Variants in MDN1 observed in about 807,000 individuals in gnomAD.
The protein encoded by MDN1 is midasin.
In MDN1, 266 loss-of-function variants were observed where a neutral mutation model predicts 669.2. The observed-to-expected ratio is 0.40, with a 90% CI of 0.36 to 0.44. The LOEUF (loss-of-function observed/expected upper bound fraction) is 0.44. MDN1 is among the 20% of genes least tolerant of loss of function. The pLI is 1.00. For synonymous variants in MDN1, 2,385 were observed against 2,457.1 expected, an observed-to-expected ratio of 0.97 and a Z score of 0.87; for missense variants, 5,940 against 6,754.0, an observed-to-expected ratio of 0.88 and a Z score of 4.22.
In MDN1 at chr6:89,683,858, A is replaced by G; in HGVS notation, c.11876T>C (p.Ile3959Thr). The G allele has an allele frequency of 5.0e-6, 8 of 1,613,630 alleles. No individual in the cohort carries two copies. Among genetic ancestry groups the G allele is most frequent in the Non-Finnish European group, 6.8e-6 (8 of 1,179,706 alleles). ...GTGTGTCTTTTCTACAGATTGCTTA[A>G]TGGACCAGAAGCTGACATCATTCCA... Reference protein sequence around the residue: ...SKWNDVSFWSIKQSVEKTHRT... With the variant: ...SKWNDVSFWSTKQSVEKTHRT... Residue 3959 changes from isoleucine to threonine, a missense_variant, in exon 72 of 102, where the codon ATT becomes ACT. Physicochemically the swap from Ile to Thr is moderately conservative, Grantham distance 89. Transcript: ENST00000369393.
intron 8 of MDN1, among the ~76,000 whole-genome samples, chr6:89,786,502 G>A (rs1431896491): frequency 6.6e-6 from 1 of 152,114 alleles, no homozygotes; most frequent in Non-Finnish European, 1.5e-5. Flanking sequence ...AGCTACTCAA[G>A]AGGCTGAGGC....
chr6:89,716,429 T>C (rs895597023), intron 44 of MDN1, among the ~76,000 whole-genome samples: 2 of 152,252 alleles, frequency 1.3e-5, no homozygotes, highest in African/African-American at 4.8e-5. Context: ...TAGCCTTTGC[T>C]TTGGCTGAAA....
At chr6:89,783,283 G>A (rs1482806772) in intron 9 of MDN1, among the ~76,000 whole-genome samples, 1 of 152,096 alleles carries the variant, frequency 6.6e-6, no homozygotes, top group Non-Finnish European at 1.5e-5. Context: ...TTCCCGGGGG[G>A]GAGGTCTATA....
chr6:89,753,212 A>G (rs934122588), intron 22 of MDN1, among the ~76,000 whole-genome samples: 1 of 152,192 alleles, frequency 6.6e-6, no homozygotes, highest in Non-Finnish European at 1.5e-5. Context: ...ATTTTTTACA[A>G]TTTTACAATT....
chr6:89,716,708 A>T lies in MDN1; in HGVS notation c.6685T>A (p.Leu2229Met). ...TCTCCAGACTTCAGGGCCTGAACCA[A>T]CATGCTGTCAACCCATTCAAATGTG... is the stretch of plus-strand genomic sequence containing the variant. ...HGTFEWVDSM[L>M]VQALKSGDWL... is the part of the protein sequence containing the mutation. Residue 2229 changes from leucine (L) to methionine (M), a missense_variant, in exon 44 of 102, where the codon TTG (leucine) becomes ATG (methionine). Physicochemically the swap from Leu to Met is conservative, Grantham distance 15. Around this residue, in one of 5 missense-constraint regions of MDN1, gnomAD observed 2,292 missense variants for 2,638.3 expected, o/e 0.87. Coordinates refer to ENST00000369393, the MANE Select transcript of MDN1 (RefSeq NM_014611.3). 1 of 1,614,136 alleles carries T rather than the reference A, an allele frequency of 6.2e-7. No individual in the cohort carries two copies. Among genetic ancestry groups the T allele is most frequent in the Non-Finnish European group, 8.5e-7 (1 of 1,179,976 alleles).
intron 73 of MDN1, among the ~76,000 whole-genome samples, chr6:89,682,699 T>TAAAAAAAAAAAAAAAAAAAAAAAA (rs143107841): frequency 3.1e-5 from 3 of 96,854 alleles, no homozygotes; most frequent in South Asian, 4.5e-4. Flanking sequence ...GACTCTGTCT[T>TAAAAAAAAAAAAAAAAAAAAAAAA]AAAAAAAAAA....
intron 88 of MDN1, among the ~76,000 whole-genome samples, chr6:89,661,185 G>T (rs1809736920): frequency 6.6e-6 from 1 of 151,960 alleles, no homozygotes; most frequent in South Asian, 2.1e-4. Context: ...CCAGGGCATA[G>T]CAGTGCCAAA....
At chr6:89,747,222 C>T in intron 27 of MDN1, 107 bp downstream of exon 27, 1 of 1,286,232 alleles carries the variant, frequency 7.8e-7, no homozygotes, top group Non-Finnish European at 1.1e-6. Context: ...CTCTGGAATA[C>T]CTAGTCAAAT....
intron 88 of MDN1, among the ~76,000 whole-genome samples, chr6:89,660,978 G>A (rs1181779630): frequency 2.0e-5 from 3 of 152,186 alleles, no homozygotes; most frequent in South Asian, 2.1e-4. Flanking sequence ...TATGCCATGC[G>A]ATTTCTCTTG....
At chr6:89,717,228 G>A (rs1176663146) in intron 43 of MDN1, among the ~76,000 whole-genome samples, 2 of 152,144 alleles carry the variant, frequency 1.3e-5, no homozygotes. Context: ...GTAATTACTT[G>A]CCAAATGCTT....
At chr6:89,796,921 A>T (rs1030700083) in intron 2 of MDN1, among the ~76,000 whole-genome samples, 1 of 152,044 alleles carries the variant, frequency 6.6e-6, no homozygotes, top group Non-Finnish European at 1.5e-5. Context: ...ATACAAAATT[A>T]GCCAGGCGTG....
At position 89,749,629 on chromosome 6, in the gene MDN1, T is replaced by C. The variant is rs763101225; in HGVS notation, c.3529A>G (p.Thr1177Ala). Residue 1177 changes from threonine (T) to alanine (A), a missense_variant, in exon 25 of 102, where the codon ACA becomes GCA. This residue lies in a region of MDN1 where 2,292 missense variants were observed against 2,638.3 expected (regional missense o/e 0.87). Coordinates refer to ENST00000369393, the MANE Select transcript of MDN1 (RefSeq NM_014611.3). ...LLDDNRELLVTETQEVVKAHP... is the reference protein window; with the variant it reads ...LLDDNRELLVAETQEVVKAHP... ...GCTTTAACAACTTCCTGTGTTTCTG[T>C]TACTAGCAATTCACGGTTATCATCC... 13 of 1,614,036 alleles carry C rather than the reference T, an allele frequency of 8.1e-6. No homozygotes were observed. The highest frequency in any genetic ancestry group is 3.3e-5 in the Admixed American group (2 of 60,002).
chr6:89,712,356 G>A, intron 48 of MDN1, 100 bp from the exon 49 acceptor site: 1 of 1,205,202 alleles, frequency 8.3e-7, no homozygotes, highest in Non-Finnish European at 1.2e-6. Flanking sequence ...TGGATCAAAG[G>A]TAAGAGAGAA....
Position 89,683,823 on chromosome 6 carries a change from TG to T in MDN1, c.11903+7del, listed in dbSNP as rs775230007. 6.2e-7 allele frequency: 1 copy of T among 1,610,028 alleles called. No individual in the cohort carries two copies. The highest frequency in any genetic ancestry group is 8.5e-7 in the Non-Finnish European group (1 of 1,176,776). On this transcript the variant is annotated splice_region_variant and intron_variant, in intron 72 of 101. Transcript: ENST00000369393. ...TTTGGTTGTCTCCAGTTTTAAAAGA[TG>T]GATTACCTGTGTGTCTTTTCTACAG...
Position 89,712,661 on chromosome 6 carries a change from A to C in MDN1, c.7344T>G (p.Asp2448Glu). ...SVPSALFATE[D>E]SHLSTVRRDG... ...CTCTTCGGACTGTAGACAGGTGTGA[A>C]TCTTCAGTAGCAAAGAGAGCTGAGG... is the stretch of plus-strand genomic sequence containing the variant. The change falls in exon 48 of 102, where the codon GAT becomes GAG. Residue 2448 changes from aspartate (D) to glutamate (E), a missense_variant. Around this residue, in one of 5 missense-constraint regions of MDN1, gnomAD observed 2,292 missense variants for 2,638.3 expected, o/e 0.87. Coordinates refer to ENST00000369393, the MANE Select transcript of MDN1 (RefSeq NM_014611.3). 6.2e-7 allele frequency: 1 copy of C among 1,614,166 alleles called. No homozygotes were observed. The highest frequency in any genetic ancestry group is 8.5e-7 in the Non-Finnish European group (1 of 1,179,972).
At position 89,789,858 on chromosome 6, in the gene MDN1, C is replaced by T; in HGVS notation, c.1152G>A (p.Gln384=). 4.3e-6 allele frequency: 7 copies of T among 1,614,084 alleles called. No individual in the cohort carries two copies. The highest frequency in any genetic ancestry group is 5.9e-6 in the Non-Finnish European group (7 of 1,179,996). ...TGGCTGCCTGTGTCAGGGTGCCAGG[C>T]TGCCACACAAACTCTCCAGGAACAT... ...CTDVPGEFVW[Q]PGTLTQAATM... The change falls in exon 7 of 102, where the codon CAG becomes CAA. Residue 384 remains glutamine, a synonymous_variant. Coordinates refer to ENST00000369393, the MANE Select transcript of MDN1 (RefSeq NM_014611.3).
In MDN1 at chr6:89,743,558, A is replaced by G. The variant is rs1206932670; in HGVS notation, c.4317+18T>C. 2 of 1,608,218 alleles carry G rather than the reference A, an allele frequency of 1.2e-6. No homozygotes were observed. The highest frequency in any genetic ancestry group is 3.4e-5 in the Admixed American group (2 of 58,454). On this transcript the variant is annotated intron_variant, in intron 30 of 101. Coordinates refer to ENST00000369393, the MANE Select transcript of MDN1 (RefSeq NM_014611.3). ...TGCAGTTTTTTAAAATAACAGGAAC[A>G]CTTGCTGCTGGACAAACCTTGTCGT... is the stretch of plus-strand genomic sequence containing the variant.
intron 2 of MDN1, among the ~76,000 whole-genome samples, chr6:89,802,889 G>A (rs552403685): frequency 2.0e-4 from 30 of 152,252 alleles, no homozygotes; most frequent in South Asian, 1.0e-3. Flanking sequence ...ACAGCTCTTA[G>A]TATACTAATT....
chr6:89,730,685 C>A (rs1401516331), intron 35 of MDN1, 41 bp downstream of exon 35: 2 of 1,533,094 alleles, frequency 1.3e-6, no homozygotes, highest in South Asian at 2.4e-5. Flanking sequence ...TATCTATGAT[C>A]TATAGAAAAG....
Sources: gnomAD v4.1 joint callset for allele counts (sites outside exome capture counted in the v4.1 genomes callset) on GRCh38, gnomAD v4.1.1 for gene constraint, gnomAD v4.1.1 regional missense constraint, MANE v1.5 for transcripts, NCBI Gene and HGNC (gene_info 2026-07-23, HGNC 2026-07-21) for gene names.